Variants in LPIN1 observed in about 807,000 individuals in gnomAD.
LPIN1 encodes phosphatidate phosphatase LPIN1.
A neutral mutation model predicts 107.5 loss-of-function variants in LPIN1; 71 were observed. The observed-to-expected ratio is 0.66, with a 90% CI of 0.55 to 0.80. The LOEUF (loss-of-function observed/expected upper bound fraction) is 0.80, where lower values mean the gene tolerates loss of function less well. Ranked by LOEUF, LPIN1 falls within the 30% of genes least tolerant of loss-of-function variation. The probability of loss-of-function intolerance (pLI) is 0.00; values close to 1 mark genes in which losing one functional copy is unlikely to be tolerated. For synonymous variants in LPIN1, 445 were observed against 452.6 expected (o/e 0.98, Z 0.21); for missense variants, 1,043 against 1,160.6 (o/e 0.90, Z 1.47).
chr2:11,789,734 G>T (rs1675364941), intron 12 of LPIN1, among the ~76,000 whole-genome samples: 1 of 148,528 alleles, frequency 6.7e-6, no homozygotes, highest in South Asian at 2.2e-4. Flanking sequence ...ACATTTTTAT[G>T]TCACCGTTCT....
At chr2:11,796,685 G>C (rs1676781870) in intron 14 of LPIN1, among the ~76,000 whole-genome samples, 1 of 152,124 alleles carries the variant, frequency 6.6e-6, no homozygotes, top group East Asian at 1.9e-4. Flanking sequence ...AAGGCACCAG[G>C]GTATCGATAT....
Position 11,771,642 on chromosome 2 carries a change from A to G in LPIN1, c.559A>G (p.Ser187Gly), listed in dbSNP as rs759372275. 2.2e-5 allele frequency: 36 copies of G among 1,600,216 alleles called. No homozygotes were observed. The highest frequency in any genetic ancestry group is 3.0e-5 in the Non-Finnish European group (35 of 1,173,664). ...EDEDMFPIEMSSDEAMELLES... is the reference protein window; with the variant it reads ...EDEDMFPIEMGSDEAMELLES... ...TGAGGACATGTTCCCCATCGAGATG[A>G]GCTCGGATGAGGCCATGGAGCTGCT... Residue 187 changes from serine to glycine, a missense_variant, in exon 4 of 21, where the codon AGC (serine) becomes GGC (glycine). Coordinates refer to ENST00000674199, the MANE Select transcript of LPIN1 (RefSeq NM_001349206.2). The surrounding 1 kb of genome is among the most constrained non-coding windows in gnomAD (Gnocchi z 4.8).
At chr2:11,787,392 C>CT (rs1219054361) in intron 11 of LPIN1, among the ~76,000 whole-genome samples, 2,148 of 113,174 alleles carry the variant, frequency 0.019, 206 homozygotes, top group Non-Finnish European at 0.022. Context: ...CTTTTCTTTT[C>CT]TTTTTCTTTT....
At chr2:11,679,255 G>A (rs1303054106) in intron 1 of LPIN1, among the ~76,000 whole-genome samples, 1 of 152,190 alleles carries the variant, frequency 6.6e-6, no homozygotes, top group Non-Finnish European at 1.5e-5. Flanking sequence ...CCTTGGGAGG[G>A]GAGTGGTGGA....
chr2:11,818,716 C>T (rs2148730058), intron 18 of LPIN1: 1 of 151,954 alleles, frequency 6.6e-6, no homozygotes, highest in African/African-American at 2.4e-5. Context: ...AGTGAATTGC[C>T]ATGATGATAC....
intron 17 of LPIN1, 38 bp downstream of exon 17, chr2:11,805,194 G>A (rs1678461527): frequency 5.6e-6 from 8 of 1,416,832 alleles, no homozygotes; most frequent in East Asian, 2.3e-5. Context: ...TCCTGTGAAC[G>A]CTGGTGTGTG....
In LPIN1 at chr2:11,825,072, C is replaced by T. The variant is rs1042891472; in HGVS notation, c.*281C>T. 11 of 463,276 alleles carry T rather than the reference C, an allele frequency of 2.4e-5. No homozygotes were observed. Among genetic ancestry groups the T allele is most frequent in the South Asian group, 6.5e-5 (3 of 46,438 alleles). 28.7% of individuals were successfully genotyped at this position (463,276 alleles called of 1,614,324 possible). A position where few individuals can be genotyped will look rare whatever the true frequency, so the allele number is the denominator to read the frequency against. ...AATGCCAGTTACGACGCTGCCTTTCCGGCCTGCTCCAGCAAGTAGCTACTG... is the reference window on the plus strand; with the variant it reads ...AATGCCAGTTACGACGCTGCCTTTCTGGCCTGCTCCAGCAAGTAGCTACTG... On this transcript the variant is annotated 3_prime_UTR_variant, in exon 21 of 21. Coordinates refer to ENST00000674199, the MANE Select transcript of LPIN1 (RefSeq NM_001349206.2). The surrounding 1 kb of genome is among the most constrained non-coding windows in gnomAD (Gnocchi z 4.1).
At chr2:11,722,819 C>G (rs1348554873), upstream of LPIN1, among the ~76,000 whole-genome samples, 1 of 152,134 alleles carries the variant, frequency 6.6e-6, no homozygotes, top group East Asian at 1.9e-4. Flanking sequence ...ACAGAAGAGC[C>G]TAGCACTTAG....
chr2:11,729,360 A>C (rs1003486684), intron 1 of LPIN1, among the ~76,000 whole-genome samples: 1 of 152,264 alleles, frequency 6.6e-6, no homozygotes, highest in East Asian at 1.9e-4. Context: ...AATAATACTT[A>C]TAACACTTTA....
chr2:11,694,870 A>G (rs1038986239), intron 1 of LPIN1, among the ~76,000 whole-genome samples: 6 of 152,236 alleles, frequency 3.9e-5, no homozygotes, highest in African/African-American at 1.4e-4. Context: ...TACGTTAAGA[A>G]ATATACAAGC....
intron 1 of LPIN1, among the ~76,000 whole-genome samples, chr2:11,727,450 T>C (rs989761473): frequency 3.9e-5 from 6 of 152,212 alleles, no homozygotes; most frequent in Admixed American, 3.9e-4. Flanking sequence ...TGGCATTTTG[T>C]CTACTCTGGC....
rs757650561 is a variant in LPIN1, at chr2:11,804,588, T to G, written c.2162+17T>G. 1 of 1,612,504 alleles carries G rather than the reference T, an allele frequency of 6.2e-7. No individual in the cohort carries two copies. Among genetic ancestry groups the G allele is most frequent in the South Asian group, 1.1e-5 (1 of 91,032 alleles). On this transcript the variant is annotated intron_variant, in intron 16 of 20. Transcript: ENST00000674199. The stretch of plus-strand genomic sequence containing the variant: ...AATTACCAGGTAGGTCCTGCTGACT[T>G]GGGGCCCATGGTAGATTTCTTTGCT...
intron 20 of LPIN1, 100 bp from the exon 21 acceptor site, chr2:11,824,532 C>A: frequency 1.7e-6 from 2 of 1,173,096 alleles, no homozygotes; most frequent in Non-Finnish European, 1.3e-6. Flanking sequence ...AGTAGGCGGT[C>A]TGCTCCTTGA....
At chr2:11,762,575 T>C (rs548764065) in intron 1 of LPIN1, among the ~76,000 whole-genome samples, 3 of 152,218 alleles carry the variant, frequency 2.0e-5, no homozygotes, top group Admixed American at 1.3e-4. Flanking sequence ...TTATCATGAA[T>C]GACAGAAGAC....
chr2:11,787,029 A>G, intron 10 of LPIN1, 45 bp from the exon 11 acceptor site: 1 of 1,396,356 alleles, frequency 7.2e-7, no homozygotes, highest in South Asian at 1.2e-5. Flanking sequence ...TTTGAACTGA[A>G]TTTTCTTTTT....
At chr2:11,809,155 C>G (rs1050484541) in intron 17 of LPIN1, among the ~76,000 whole-genome samples, 7 of 151,890 alleles carry the variant, frequency 4.6e-5, no homozygotes, top group African/African-American at 1.7e-4. Flanking sequence ...GAAGGAAAGT[C>G]AAGAAGGACT....
intron 4 of LPIN1, among the ~76,000 whole-genome samples, chr2:11,772,970 T>G (rs563159085): frequency 1.3e-5 from 2 of 152,310 alleles, no homozygotes; most frequent in African/African-American, 2.4e-5. Flanking sequence ...CCAGCGTCAT[T>G]GGGCTTCTTA....
intron 18 of LPIN1, among the ~76,000 whole-genome samples, chr2:11,815,764 A>C (rs1264858216): frequency 6.6e-6 from 1 of 152,026 alleles, no homozygotes; most frequent in Non-Finnish European, 1.5e-5. Context: ...GATTTCTGGG[A>C]ACACTGTTCA....
chr2:11,704,989 C>T (rs76080774), intron 1 of LPIN1, among the ~76,000 whole-genome samples: 9,242 of 152,310 alleles, frequency 0.061, 736 homozygotes, highest in African/African-American at 0.18. Flanking sequence ...CCACATGTTA[C>T]TTGTGGGAAC....
Sources: gnomAD v4.1 joint callset for allele counts (sites outside exome capture counted in the v4.1 genomes callset) on GRCh38, gnomAD v4.1.1 for gene constraint, Gnocchi (gnomAD v3.1) non-coding constraint, MANE v1.5 for transcripts, NCBI Gene and HGNC (gene_info 2026-07-23, HGNC 2026-07-21) for gene names.